Variants in GABBR1 observed in about 807,000 individuals in gnomAD.
GABBR1 encodes gamma-aminobutyric acid type B receptor subunit 1.
In GABBR1, 35 loss-of-function variants were observed where a neutral mutation model predicts 117.7. That is an observed-to-expected ratio of 0.30 (90% CI 0.23 to 0.39). The LOEUF (loss-of-function observed/expected upper bound fraction) is 0.39, where lower values mean the gene tolerates loss of function less well. Ranked by LOEUF, GABBR1 falls within the 10% of genes least tolerant of loss-of-function variation. The pLI, the probability that GABBR1 is intolerant of heterozygous loss-of-function variation, is 1.00. For missense variants in GABBR1, 709 were observed against 1,241.8 expected, an observed-to-expected ratio of 0.57 and a Z score of 6.45; for synonymous variants, 442 against 486.6, an observed-to-expected ratio of 0.91 and a Z score of 1.21.
Position 29,621,853 on chromosome 6 carries a change from C to T in GABBR1, c.1066-36G>A, listed in dbSNP as rs1291906038. On this transcript the variant is annotated intron_variant, in intron 9 of 22. Coordinates refer to ENST00000377034, the MANE Select transcript of GABBR1 (RefSeq NM_001470.4). This position sits in a 1 kb window ranked among gnomAD's most constrained non-coding sequence, Gnocchi z 5.0. Reference sequence around the variant, plus strand: ...GAAAGAAACAGCTCCTGAGGGATGCCCGGGAATGCCTGAGGGGCTAAGCCA... The same window carrying T: ...GAAAGAAACAGCTCCTGAGGGATGCTCGGGAATGCCTGAGGGGCTAAGCCA... 6.2e-7 allele frequency: 1 copy of T among 1,606,742 alleles called. No homozygotes were observed. Among genetic ancestry groups the T allele is most frequent in the Admixed American group, 1.7e-5 (1 of 59,970 alleles).
chr6:29,629,455 T>TA (rs1764736882), intron 4 of GABBR1, among the ~76,000 whole-genome samples: 2 of 152,302 alleles, frequency 1.3e-5, no homozygotes, highest in South Asian at 4.1e-4. Flanking sequence ...CAATTGCTGT[T>TA]AAAATCTTAT....
rs1268782544 is a variant in GABBR1, at chr6:29,605,120, C to T, written c.2440-132G>A. ...TTTCCCTTTGAAAAGGATCCAAATT[C>T]AGGATCATCCTCAAATATAGATTGA... On this transcript the variant is annotated intron_variant, in intron 20 of 22. Transcript: ENST00000377034. This position sits in a 1 kb window ranked among gnomAD's most constrained non-coding sequence, Gnocchi z 4.2. The T allele has an allele frequency of 4.3e-6, 4 of 932,254 alleles. No individual in the cohort carries two copies. Among genetic ancestry groups the T allele is most frequent in the Non-Finnish European group, 6.3e-6 (4 of 637,758 alleles). The allele number at this position is 932,254 out of a possible 1,614,324, so 57.7% of individuals were successfully genotyped here. A position where few individuals can be genotyped will look rare whatever the true frequency, so the allele number is the denominator to read the frequency against.
In GABBR1 at chr6:29,621,371, C is replaced by T. The variant is rs3025630; in HGVS notation, c.1132-79G>A. 1.6e-5 allele frequency: 19 copies of T among 1,157,352 alleles called. No homozygotes were observed. Among genetic ancestry groups the T allele is most frequent in the Admixed American group, 1.3e-4 (6 of 45,942 alleles). The allele number at this position is 1,157,352 out of a possible 1,614,324, so 71.7% of individuals were successfully genotyped here. A position where few individuals can be genotyped will look rare whatever the true frequency, so the allele number is the denominator to read the frequency against. ...TCTTATCTCACTTGATACTATTTAG[C>T]CTCTTGGGAATCAGGGAAGAGCAGT... On this transcript the variant is annotated intron_variant, in intron 10 of 22. Transcript: ENST00000377034. The surrounding 1 kb of genome is among the most constrained non-coding windows in gnomAD (Gnocchi z 5.0).
rs1437203021 is a variant in GABBR1, at chr6:29,630,216, G to C, written c.475+242C>G. ...GAGAAAACGTGAGGTCTAAGAATCG[G>C]GAGCAGGAAGATTTTTTTAAAAGGT... On this transcript the variant is annotated intron_variant, in intron 4 of 22. Transcript: ENST00000377034. This position sits in a 1 kb window ranked among gnomAD's most constrained non-coding sequence, Gnocchi z 4.9. 2 of 443,026 alleles carry C rather than the reference G, an allele frequency of 4.5e-6. No homozygotes were observed. The highest frequency in any genetic ancestry group is 7.3e-5 in the Admixed American group (2 of 27,428). 27.4% of individuals were successfully genotyped at this position (443,026 alleles called of 1,614,324 possible).
At position 29,607,079 on chromosome 6, in the gene GABBR1, C is replaced by A. The variant is rs1400071720; in HGVS notation, c.2109+23G>T. 1 of 1,609,110 alleles carries A rather than the reference C, an allele frequency of 6.2e-7. No individual in the cohort carries two copies. Among genetic ancestry groups the A allele is most frequent in the Non-Finnish European group, 8.5e-7 (1 of 1,175,510 alleles). ...GCCCCAGGAGCCAAGGATCTGGGGG[C>A]TGAGGATTGGGCAGCAGCTCACCTT... On this transcript the variant is annotated intron_variant, in intron 17 of 22. Coordinates refer to ENST00000377034, the MANE Select transcript of GABBR1 (RefSeq NM_001470.4). The surrounding 1 kb of genome is among the most constrained non-coding windows in gnomAD (Gnocchi z 5.0).
Position 29,602,781 on chromosome 6 carries a change from C to T in GABBR1, c.*762G>A, listed in dbSNP as rs760552905. On this transcript the variant is annotated 3_prime_UTR_variant, in exon 23 of 23. Coordinates refer to ENST00000377034, the MANE Select transcript of GABBR1 (RefSeq NM_001470.4). ...CAGCATGCTAGACAAATTGCACATG[C>T]CTACCCAAACACGCTCAAGGGCAGA... 2.9e-6 allele frequency: 1 copy of T among 348,108 alleles called. No homozygotes were observed. Among genetic ancestry groups the T allele is most frequent in the Non-Finnish European group, 5.6e-6 (1 of 177,596 alleles). 21.6% of individuals were successfully genotyped at this position (348,108 alleles called of 1,614,324 possible). A position where few individuals can be genotyped will look rare whatever the true frequency, so the allele number is the denominator to read the frequency against.
intron 13 of GABBR1, 40 bp downstream of exon 13, chr6:29,612,511 C>A: frequency 6.3e-7 from 1 of 1,587,466 alleles, no homozygotes; most frequent in Non-Finnish European, 8.6e-7. Flanking sequence ...CAGCCCCAGC[C>A]TAGCCCCCAT....
rs1284375456 is a variant in GABBR1, at chr6:29,606,592, C to T, written c.2218-108G>A. The T allele has an allele frequency of 3.7e-6, 3 of 805,170 alleles. No homozygotes were observed. Among genetic ancestry groups the T allele is most frequent in the Admixed American group, 3.8e-5 (2 of 52,926 alleles). 49.9% of individuals were successfully genotyped at this position (805,170 alleles called of 1,614,324 possible). On this transcript the variant is annotated intron_variant, in intron 18 of 22. Coordinates refer to ENST00000377034, the MANE Select transcript of GABBR1 (RefSeq NM_001470.4). The surrounding 1 kb of genome is among the most constrained non-coding windows in gnomAD (Gnocchi z 4.5). ...CTGTTTTCCTATGAGACCCTCAATGCTGATGCCAAATCTCATTCTAGGCCT... is the reference window on the plus strand; with the variant it reads ...CTGTTTTCCTATGAGACCCTCAATGTTGATGCCAAATCTCATTCTAGGCCT...
In GABBR1 at chr6:29,602,728, G is replaced by C. The variant is rs927829194; in HGVS notation, c.*815C>G. On this transcript the variant is annotated 3_prime_UTR_variant, in exon 23 of 23. Transcript: ENST00000377034. ...CAGGGAAAGTACATGGATAAACATG[G>C]ACGTGTGCAAATAGGAAAGACATGA... 2.9e-6 allele frequency: 1 copy of C among 340,176 alleles called. No individual in the cohort carries two copies. Among genetic ancestry groups the C allele is most frequent in the African/African-American group, 2.1e-5 (1 of 46,574 alleles). 21.1% of individuals were successfully genotyped at this position (340,176 alleles called of 1,614,324 possible). A position where few individuals can be genotyped will look rare whatever the true frequency, so the allele number is the denominator to read the frequency against.
Position 29,610,906 on chromosome 6 carries a change from C to A in GABBR1, c.1708+18G>T, listed in dbSNP as rs1451141721. 1.9e-6 allele frequency: 3 copies of A among 1,606,888 alleles called. No individual in the cohort carries two copies. Among genetic ancestry groups the A allele is most frequent in the African/African-American group, 2.7e-5 (2 of 74,780 alleles). On this transcript the variant is annotated intron_variant, in intron 14 of 22. Coordinates refer to ENST00000377034, the MANE Select transcript of GABBR1 (RefSeq NM_001470.4). ...TGTCGAGAGGGGCTGAAGGAAAATACAAACAAGATCCACTCACCAATCCAT... is the reference window on the plus strand; with the variant it reads ...TGTCGAGAGGGGCTGAAGGAAAATAAAAACAAGATCCACTCACCAATCCAT...
chr6:29,616,582 G>A (rs1003909878), intron 11 of GABBR1, among the ~76,000 whole-genome samples: 6 of 151,150 alleles, frequency 4.0e-5, no homozygotes, highest in African/African-American at 1.2e-4. Flanking sequence ...CTATTCAGAA[G>A]GCTGAGGCAG....
At chr6:29,629,841 A>G (rs1361381451) in intron 4 of GABBR1, 1 of 152,110 alleles carries the variant, frequency 6.6e-6, no homozygotes, top group Non-Finnish European at 1.5e-5. Flanking sequence ...GTAGACAGAC[A>G]CAACACTGAT....
Position 29,605,465 on chromosome 6 carries a change from T to C in GABBR1, c.2439+104A>G, listed in dbSNP as rs960014747. 54 of 1,418,446 alleles carry C rather than the reference T, an allele frequency of 3.8e-5. No individual in the cohort carries two copies. The highest frequency in any genetic ancestry group is 5.0e-5 in the Non-Finnish European group (52 of 1,039,738). The allele number at this position is 1,418,446 out of a possible 1,614,324, so 87.9% of individuals were successfully genotyped here. A position where few individuals can be genotyped will look rare whatever the true frequency, so the allele number is the denominator to read the frequency against. On this transcript the variant is annotated intron_variant, in intron 20 of 22. Coordinates refer to ENST00000377034, the MANE Select transcript of GABBR1 (RefSeq NM_001470.4). The surrounding 1 kb of genome is among the most constrained non-coding windows in gnomAD (Gnocchi z 4.2). ...GAAGAATTAACAAACTTTTTAAGAC[T>C]TCTAAGCAACCGATCCCAGATCTAG... is the stretch of plus-strand genomic sequence containing the variant.
rs1762264590 is a variant in GABBR1 at position 29,609,094 on chromosome 6, T to C, written c.1859+135A>G. The C allele has an allele frequency of 1.1e-6, 1 of 874,592 alleles. No individual in the cohort carries two copies. The highest frequency in any genetic ancestry group is 1.7e-6 in the Non-Finnish European group (1 of 574,606). The allele number at this position is 874,592 out of a possible 1,614,324, so 54.2% of individuals were successfully genotyped here. On this transcript the variant is annotated intron_variant, in intron 15 of 22. Coordinates refer to ENST00000377034, the MANE Select transcript of GABBR1 (RefSeq NM_001470.4). This position sits in a 1 kb window ranked among gnomAD's most constrained non-coding sequence, Gnocchi z 4.3. ...GTTATATCTGGTTTCCCTGTTTTCA[T>C]TCTCAACAAGTCAGAATGAAAAACT... is the stretch of plus-strand genomic sequence containing the variant.
chr6:29,604,193 C>T lies in GABBR1; in HGVS notation c.2712+301G>A, dbSNP rs2127387258. On this transcript the variant is annotated intron_variant, in intron 22 of 22. Coordinates refer to ENST00000377034, the MANE Select transcript of GABBR1 (RefSeq NM_001470.4). This position sits in a 1 kb window ranked among gnomAD's most constrained non-coding sequence, Gnocchi z 5.3. ...CTCACAGCTGCCTCTCTCCAGTTGT[C>T]ACCTACAGCCAACAGCCATCCTCTT... 6.6e-6 allele frequency among the ~76,000 whole-genome samples: 1 copy of T among 152,228 alleles called. No homozygotes were observed. The highest frequency in any genetic ancestry group is 2.1e-4 in the South Asian group (1 of 4,816).
intron 11 of GABBR1, among the ~76,000 whole-genome samples, chr6:29,614,463 G>T (rs1325649088): frequency 6.6e-6 from 1 of 152,216 alleles, no homozygotes; most frequent in Non-Finnish European, 1.5e-5. Flanking sequence ...AAATAACTTT[G>T]TTCCTCATGC....
At chr6:29,624,654 T>C (rs2267635) in intron 6 of GABBR1, among the ~76,000 whole-genome samples, 8,003 of 151,660 alleles carry the variant, frequency 0.053, 276 homozygotes, top group South Asian at 0.14. Flanking sequence ...GGGGTGGAAG[T>C]AGGGAAGAAT....
intron 5 of GABBR1, chr6:29,628,214 AG>A: frequency 1.1e-6 from 1 of 932,894 alleles, no homozygotes; most frequent in Non-Finnish European, 1.3e-6. Context: ...TGCAACCTCG[AG>A]GAGGAAAGGA....
Position 29,621,009 on chromosome 6 carries a change from C to A in GABBR1, c.1323+92G>T. 9.0e-7 allele frequency: 1 copy of A among 1,115,394 alleles called. No homozygotes were observed. The highest frequency in any genetic ancestry group is 1.3e-6 in the Non-Finnish European group (1 of 784,332). 69.1% of individuals were successfully genotyped at this position (1,115,394 alleles called of 1,614,324 possible). On this transcript the variant is annotated intron_variant, in intron 11 of 22. Transcript: ENST00000377034. The surrounding 1 kb of genome is among the most constrained non-coding windows in gnomAD (Gnocchi z 5.0). ...CCTCTTCTCCTTTATATCCAAATTC[C>A]GCACCCTCTCCCTGCCACCCTTTCC...
Sources: gnomAD v4.1 joint callset for allele counts (sites outside exome capture counted in the v4.1 genomes callset) on GRCh38, gnomAD v4.1.1 for gene constraint, Gnocchi (gnomAD v3.1) non-coding constraint, MANE v1.5 for transcripts, NCBI Gene and HGNC (gene_info 2026-07-23, HGNC 2026-07-21) for gene names.